The following ULK4 variants were observed in gnomAD, a reference collection of about 807,000 sequenced individuals.
The protein encoded by ULK4 is unc-51 like kinase 4, also known as inactive serine/threonine-protein kinase ULK4.
A neutral mutation model predicts 160.6 loss-of-function variants in ULK4; 133 were observed. The ratio of observed to expected loss-of-function variants is 0.83; its 90% CI spans 0.72 to 0.96. ULK4 has a LOEUF of 0.96. Among genes scored for constraint, ULK4 ranks in the 40% least tolerant of loss-of-function variants. The pLI, the probability that ULK4 is intolerant of heterozygous loss-of-function variation, is 0.00. For synonymous variants in ULK4, 534 were observed against 539.8 expected (o/e 0.99, Z 0.15); for missense variants, 1,580 against 1,499.5 (o/e 1.05, Z -0.89).
At chr3:41,954,172 G>A (rs1236123661) in intron 2 of ULK4, among the ~76,000 whole-genome samples, 3 of 71,396 alleles carry the variant, frequency 4.2e-5, no homozygotes, top group Non-Finnish European at 9.1e-5. Context: ...GTGAGACTCC[G>A]TCTTAAAAAA....
intron 2 of ULK4, among the ~76,000 whole-genome samples, chr3:41,945,205 T>C (rs537986243): frequency 6.6e-6 from 1 of 152,160 alleles, no homozygotes; most frequent in Non-Finnish European, 1.5e-5. Context: ...CTGCCACCAG[T>C]AGGAAGCCAC....
intron 29 of ULK4, among the ~76,000 whole-genome samples, chr3:41,669,292 C>T (rs1417523032): frequency 2.0e-5 from 3 of 152,168 alleles, no homozygotes; most frequent in African/African-American, 7.2e-5. Context: ...GTTGCCCAGG[C>T]TGGAGTGCAG....
intron 30 of ULK4, among the ~76,000 whole-genome samples, chr3:41,619,245 G>A (rs2033127713): frequency 6.6e-6 from 1 of 151,590 alleles, no homozygotes; most frequent in Admixed American, 6.6e-5. Flanking sequence ...GGATATTCAG[G>A]ACTTGAACTC....
chr3:41,284,951 A>G (rs2079429428), intron 35 of ULK4, among the ~76,000 whole-genome samples: 1 of 152,246 alleles, frequency 6.6e-6, no homozygotes, highest in African/African-American at 2.4e-5. Flanking sequence ...GACAATTCTC[A>G]AAAGAAGATA....
At chr3:41,839,019 T>G (rs191532973) in intron 17 of ULK4, among the ~76,000 whole-genome samples, 1 of 152,196 alleles carries the variant, frequency 6.6e-6, no homozygotes, top group Non-Finnish European at 1.5e-5. Context: ...ACGGTGACCA[T>G]AGTTCATAAT....
At chr3:41,588,761 GA>G (rs2031026240) in intron 31 of ULK4, among the ~76,000 whole-genome samples, 2 of 152,164 alleles carry the variant, frequency 1.3e-5, no homozygotes, top group African/African-American at 4.8e-5. Context: ...GGTTACAGTT[GA>G]CAAATTGGGC....
intron 32 of ULK4, among the ~76,000 whole-genome samples, chr3:41,473,025 C>G (rs1007836627): frequency 6.6e-6 from 1 of 152,056 alleles, no homozygotes; most frequent in African/African-American, 2.4e-5. Flanking sequence ...TCAATAGATG[C>G]ATAGAAATAA....
chr3:41,627,336 T>C (rs1559442860), intron 30 of ULK4, among the ~76,000 whole-genome samples: 1 of 152,172 alleles, frequency 6.6e-6, no homozygotes. Flanking sequence ...TGGAGATCAC[T>C]GGGTTGGTCC....
At chr3:41,901,629 G>A (rs1698367606) in intron 12 of ULK4, among the ~76,000 whole-genome samples, 1 of 151,392 alleles carries the variant, frequency 6.6e-6, no homozygotes, top group South Asian at 2.1e-4. Flanking sequence ...ACTGGTGTAT[G>A]CCACCATGCA....
chr3:41,751,068 C>T (rs931743311), intron 22 of ULK4, among the ~76,000 whole-genome samples: 2 of 151,166 alleles, frequency 1.3e-5, no homozygotes, highest in East Asian at 1.9e-4. Context: ...GCCTGCTCTT[C>T]CCGTTCTTTC....
chr3:41,604,410 T>C (rs912600307), intron 31 of ULK4, among the ~76,000 whole-genome samples: 32 of 152,066 alleles, frequency 2.1e-4, no homozygotes, highest in African/African-American at 7.5e-4. Context: ...TTTGAGAATA[T>C]GTAGTTCTGA....
intron 17 of ULK4, among the ~76,000 whole-genome samples, chr3:41,856,507 A>G (rs1287614287): frequency 8.1e-5 from 9 of 110,808 alleles, no homozygotes; most frequent in Admixed American, 7.1e-4. Context: ...ATAAATAAAT[A>G]AATAAATATA....
intron 18 of ULK4, among the ~76,000 whole-genome samples, chr3:41,832,438 A>C (rs1467556582): frequency 2.0e-5 from 3 of 152,166 alleles, no homozygotes; most frequent in African/African-American, 7.2e-5. Context: ...TCTGGGTATT[A>C]GACCTTTGTC....
rs1386571589 is a variant in ULK4 at position 41,911,165 on chromosome 3, T to C, written c.1085+152A>G. 6 of 784,854 alleles carry C rather than the reference T, an allele frequency of 7.6e-6. No individual in the cohort carries two copies. The East Asian group carries it at 1.6e-4, about 21-fold the overall frequency. 48.6% of individuals were successfully genotyped at this position (784,854 alleles called of 1,614,324 possible). On this transcript the variant is annotated intron_variant, in intron 11 of 36. Coordinates refer to ENST00000301831, the MANE Select transcript of ULK4 (RefSeq NM_017886.4). ...TACATTTCACTGGCCACGACCTAACTGTAACTTTGAAATTGGAGAGTGAAA... is the reference window on the plus strand; with the variant it reads ...TACATTTCACTGGCCACGACCTAACCGTAACTTTGAAATTGGAGAGTGAAA...
intron 35 of ULK4, among the ~76,000 whole-genome samples, chr3:41,397,141 A>G (rs1396797237): frequency 2.6e-5 from 4 of 152,126 alleles, no homozygotes; most frequent in Non-Finnish European, 4.4e-5. Context: ...CAGAACCCCC[A>G]TCCTTTATTA....
In ULK4 at chr3:41,729,257, G is replaced by A. The variant is rs116701365; in HGVS notation, c.2322-11396C>T. ...ATTCCCCCTACAAGAAAAAGGTAAA[G>A]CAAGGAGCCCCCAGTAGCTCCCACG... On this transcript the variant is annotated intron_variant, in intron 22 of 36. Transcript: ENST00000301831. Among the ~76,000 whole-genome samples the A allele has an allele frequency of 6.6e-3, 1,006 of 152,276 alleles. 12 individuals carry two copies. The highest frequency in any genetic ancestry group is 0.023 in the African/African-American group (966 of 41,554).
At chr3:41,495,373 A>G (rs1559648470) in intron 32 of ULK4, among the ~76,000 whole-genome samples, 1 of 152,110 alleles carries the variant, frequency 6.6e-6, no homozygotes, top group Non-Finnish European at 1.5e-5. Flanking sequence ...CTGGCTAGCC[A>G]TATGTAGAAA....
At chr3:41,666,295 G>A (rs1285550142) in intron 29 of ULK4, among the ~76,000 whole-genome samples, 1 of 152,150 alleles carries the variant, frequency 6.6e-6, no homozygotes, top group Non-Finnish European at 1.5e-5. Flanking sequence ...AAATTATCAG[G>A]CATGGCTCAA....
chr3:41,250,424 T>G (rs1320349594), intron 35 of ULK4, among the ~76,000 whole-genome samples: 1 of 152,256 alleles, frequency 6.6e-6, no homozygotes, highest in Non-Finnish European at 1.5e-5. Flanking sequence ...TCATTTAATC[T>G]TCTCAACAGC....
Sources: gnomAD v4.1 joint callset for allele counts (sites outside exome capture counted in the v4.1 genomes callset) on GRCh38, gnomAD v4.1.1 for gene constraint, MANE v1.5 for transcripts, NCBI Gene and HGNC (gene_info 2026-07-23, HGNC 2026-07-21) for gene names.